ULK2: variants seen among roughly 807,000 people sequenced by gnomAD.
The protein encoded by ULK2 is serine/threonine-protein kinase ULK2.
ULK2 carries 76 observed loss-of-function variants against 127.5 expected under a neutral mutation model. That is an observed-to-expected ratio of 0.60 (90% CI 0.50 to 0.72). ULK2 has a LOEUF of 0.72. Ranked by LOEUF, ULK2 falls within the 30% of genes least tolerant of loss-of-function variation. The pLI, the probability that ULK2 is intolerant of heterozygous loss-of-function variation, is 0.00. For missense variants in ULK2, 1,144 were observed against 1,295.9 expected, an observed-to-expected ratio of 0.88 and a Z score of 1.80; for synonymous variants, 452 against 461.9, an observed-to-expected ratio of 0.98 and a Z score of 0.28.
rs1209062146 is a variant in ULK2 at position 19,774,368 on chromosome 17, C to T, written c.*1981G>A. On this transcript the variant is annotated 3_prime_UTR_variant, in exon 27 of 27. Coordinates refer to ENST00000395544, the MANE Select transcript of ULK2 (RefSeq NM_014683.4). ...TTAACTTGAAAGTCACAAAGCATGGCTTGACCACTTGCCTAGTTCCTGACT... is the reference window on the plus strand; with the variant it reads ...TTAACTTGAAAGTCACAAAGCATGGTTTGACCACTTGCCTAGTTCCTGACT... The T allele has an allele frequency of 6.6e-6, 1 of 152,226 alleles. No homozygotes were observed. Among genetic ancestry groups the T allele is most frequent in the Admixed American group, 6.5e-5 (1 of 15,276 alleles). The allele number at this position is 152,226 out of a possible 1,614,324, so 9.4% of individuals were successfully genotyped here.
At chr17:19,827,484 A>G (rs1232267945) in intron 10 of ULK2, among the ~76,000 whole-genome samples, 2 of 152,242 alleles carry the variant, frequency 1.3e-5, no homozygotes, top group African/African-American at 2.4e-5. Context: ...TACAACTATT[A>G]CTACAGGAAA....
chr17:19,809,372 T>C (rs2087579544), intron 14 of ULK2, among the ~76,000 whole-genome samples: 1 of 152,164 alleles, frequency 6.6e-6, no homozygotes, highest in South Asian at 2.1e-4. Context: ...TGTGAACATA[T>C]TTAACAATAA....
Position 19,849,397 on chromosome 17 carries a change from A to G in ULK2, c.267T>C (p.Asn89=). 6.2e-7 allele frequency: 1 copy of G among 1,607,934 alleles called. No homozygotes were observed. The highest frequency in any genetic ancestry group is 8.5e-7 in the Non-Finnish European group (1 of 1,176,296). Residue 89 remains asparagine (N), a synonymous_variant, in exon 5 of 27, where the codon AAT becomes AAC. Coordinates refer to ENST00000395544, the MANE Select transcript of ULK2 (RefSeq NM_014683.4). ...GCAAATAATCTGCGAGGTCTCCACC[A>G]TTGCAATACTGACATAGAAAAGAGA... is the stretch of plus-strand genomic sequence containing the variant. The part of the protein sequence containing the change: ...NSVFLVMEYC[N]GGDLADYLQA...
chr17:19,807,807 C>G (rs537419530), intron 14 of ULK2, among the ~76,000 whole-genome samples: 1 of 152,236 alleles, frequency 6.6e-6, no homozygotes, highest in Non-Finnish European at 1.5e-5. Context: ...CTGAGGGCCC[C>G]CAAGGTACCA....
chr17:19,856,588 A>C (rs2042132530), intron 3 of ULK2, among the ~76,000 whole-genome samples: 2 of 144,606 alleles, frequency 1.4e-5, no homozygotes, highest in Admixed American at 6.9e-5. Flanking sequence ...TCACACACAC[A>C]AAAAAAAAAA....
At chr17:19,789,353 C>A (rs1443595768) in intron 20 of ULK2, among the ~76,000 whole-genome samples, 2 of 152,244 alleles carry the variant, frequency 1.3e-5, no homozygotes, top group Non-Finnish European at 2.9e-5. Flanking sequence ...GTCAATGAGT[C>A]TGCAAGAACT....
At chr17:19,843,660 C>CT (rs1186486092) in intron 7 of ULK2, among the ~76,000 whole-genome samples, 5,914 of 135,238 alleles carry the variant, frequency 0.044, 416 homozygotes, top group East Asian at 0.33. Flanking sequence ...AATATTTTTT[C>CT]TTTTTTTTTT....
chr17:19,816,578 T>TTGAGCAAATTTTAAAA, intron 13 of ULK2, 171 bp downstream of exon 13: 1 of 539,076 alleles, frequency 1.9e-6, no homozygotes, highest in Non-Finnish European at 2.8e-6. Context: ...TAGAAGATGA[T>TTGAGCAAATTTTAAAA]TGAGCAAATT....
rs865801181 is a variant in ULK2, at chr17:19,855,320, C to T, written c.226-5546G>A. Among the ~76,000 whole-genome samples, 145 of 151,862 alleles carry T rather than the reference C, an allele frequency of 9.5e-4. 1 individual carries two copies. The highest frequency in any genetic ancestry group is 3.3e-3 in the African/African-American group (137 of 41,480). On this transcript the variant is annotated intron_variant, in intron 3 of 26. Coordinates refer to ENST00000395544, the MANE Select transcript of ULK2 (RefSeq NM_014683.4). ...GCGGGAGGCTGAGGCAGGAGAATGG[C>T]GTGAACCCGGGAGGCAGAGCTTGCA...
At chr17:19,820,844 C>T (rs2041123794) in intron 12 of ULK2, among the ~76,000 whole-genome samples, 1 of 152,144 alleles carries the variant, frequency 6.6e-6, no homozygotes, top group African/African-American at 2.4e-5. Flanking sequence ...CAATCACACT[C>T]CCATAGGCAA....
rs1036557593 is a variant in ULK2 at position 19,849,590 on chromosome 17, C to T, written c.258+152G>A. ...AGTAGAATCTAGATCACTGAATCAA[C>T]TTTATTAATACAAAAATTCAAATAA... On this transcript the variant is annotated intron_variant, in intron 4 of 26. Coordinates refer to ENST00000395544, the MANE Select transcript of ULK2 (RefSeq NM_014683.4). 6 of 809,628 alleles carry T rather than the reference C, an allele frequency of 7.4e-6. No individual in the cohort carries two copies. The African/African-American group carries it at 9.0e-5, about 12-fold the overall frequency. The allele number at this position is 809,628 out of a possible 1,614,324, so 50.2% of individuals were successfully genotyped here. A position where few individuals can be genotyped will look rare whatever the true frequency, so the allele number is the denominator to read the frequency against.
intron 15 of ULK2, among the ~76,000 whole-genome samples, chr17:19,803,024 A>C (rs1007087534): frequency 6.6e-6 from 1 of 152,214 alleles, no homozygotes; most frequent in Non-Finnish European, 1.5e-5. Context: ...TGTATTCACC[A>C]CTGAATTTTT....
Position 19,783,889 on chromosome 17 carries a change from G to C in ULK2, c.2268C>G (p.Ser756=), listed in dbSNP as rs62636613. The change falls in exon 22 of 27, where the codon TCC becomes TCG. Residue 756 remains serine (S), a synonymous_variant. Coordinates refer to ENST00000395544, the MANE Select transcript of ULK2 (RefSeq NM_014683.4). ...TRTTSVGPSN[S]GGSLCAMSGR... Reference sequence around the variant, plus strand: ...CACTCATGGCACAAAGAGAGCCCCCGGAGTTGCTGGGCCCCACTACAAGGA... The same window carrying C: ...CACTCATGGCACAAAGAGAGCCCCCCGAGTTGCTGGGCCCCACTACAAGGA... 2.0e-6 allele frequency: 3 copies of C among 1,518,968 alleles called. No homozygotes were observed. Among genetic ancestry groups the C allele is most frequent in the Middle Eastern group, 2.3e-4 (1 of 4,306 alleles). 94.1% of individuals were successfully genotyped at this position (1,518,968 alleles called of 1,614,324 possible). A position where few individuals can be genotyped will look rare whatever the true frequency, so the allele number is the denominator to read the frequency against.
chr17:19,847,605 A>T (rs1034806572), intron 5 of ULK2, among the ~76,000 whole-genome samples: 1 of 152,176 alleles, frequency 6.6e-6, no homozygotes, highest in South Asian at 2.1e-4. Flanking sequence ...GCTGGAGTGC[A>T]GTGGCACAAT....
chr17:19,839,047 G>A (rs759368732), intron 9 of ULK2, among the ~76,000 whole-genome samples: 1 of 151,116 alleles, frequency 6.6e-6, no homozygotes, highest in African/African-American at 2.4e-5. Context: ...AAAAAAAGAA[G>A]GAAAAAAAGC....
At chr17:19,849,098 T>A (rs2041959261) in intron 5 of ULK2, among the ~76,000 whole-genome samples, 1 of 152,100 alleles carries the variant, frequency 6.6e-6, no homozygotes, top group South Asian at 2.1e-4. Context: ...GGGTTTCTCC[T>A]CTCCTGGGGA....
chr17:19,812,445 TA>T (rs1205823643), intron 13 of ULK2, among the ~76,000 whole-genome samples: 2 of 152,182 alleles, frequency 1.3e-5, no homozygotes, highest in Non-Finnish European at 2.9e-5. Context: ...AAAATGCTTT[TA>T]ATACACCTAA....
intron 10 of ULK2, among the ~76,000 whole-genome samples, chr17:19,828,889 G>T (rs146335744): frequency 6.2e-4 from 95 of 152,258 alleles, no homozygotes; most frequent in African/African-American, 2.3e-3. Context: ...AGGAATTCAA[G>T]ACCAGCCTGG....
In ULK2 at chr17:19,864,822, A is replaced by T; in HGVS notation, c.206T>A (p.Val69Glu). 1 of 1,328,408 alleles carries T rather than the reference A, an allele frequency of 7.5e-7. No homozygotes were observed. The highest frequency in any genetic ancestry group is 2.5e-5 in the East Asian group (1 of 39,308). The allele number at this position is 1,328,408 out of a possible 1,614,324, so 82.3% of individuals were successfully genotyped here. A position where few individuals can be genotyped will look rare whatever the true frequency, so the allele number is the denominator to read the frequency against. Residue 69 changes from valine (V) to glutamate (E), a missense_variant, in exon 3 of 27, where the codon GTA (valine) becomes GAA (glutamate). Physicochemically the swap from Val to Glu is moderately radical, Grantham distance 121. Coordinates refer to ENST00000395544, the MANE Select transcript of ULK2 (RefSeq NM_014683.4). ...AGGTACCTGAACATCATAGAGTGCT[A>T]CAATATTTTCATGCTGAAGTTCCTA... ...ILKELQHENI[V>E]ALYDVQELPN...
Sources: allele counts gnomAD v4.1 joint callset (sites outside exome capture counted in the v4.1 genomes callset), GRCh38; gene constraint gnomAD v4.1.1; transcripts MANE v1.5; gene names NCBI Gene and HGNC (gene_info 2026-07-23, HGNC 2026-07-21).